CDH18: variants seen among roughly 807,000 people sequenced by gnomAD.
CDH18 encodes the protein cadherin 18, also known as cadherin-18.
In CDH18, 31 loss-of-function variants were observed where a neutral mutation model predicts 67.9. That is an observed-to-expected ratio of 0.46 (90% CI 0.34 to 0.62). The LOEUF (loss-of-function observed/expected upper bound fraction) is 0.62, where lower values mean the gene tolerates loss of function less well. Among genes scored for constraint, CDH18 ranks in the 20% least tolerant of loss-of-function variants. The pLI, the probability that CDH18 is intolerant of heterozygous loss-of-function variation, is 0.01. For synonymous variants in CDH18, 362 were observed against 347.2 expected, an observed-to-expected ratio of 1.04 and a Z score of -0.48; for missense variants, 890 against 975.5, an observed-to-expected ratio of 0.91 and a Z score of 1.17.
chr5:20,309,159 T>TA (rs1736769203), intron 1 of CDH18, among the ~76,000 whole-genome samples: 2 of 152,220 alleles, frequency 1.3e-5, no homozygotes, highest in Non-Finnish European at 1.5e-5. Context: ...CAGATCACAC[T>TA]GCTACTGTTC....
At chr5:20,368,987 A>G (rs777898135) in intron 1 of CDH18, among the ~76,000 whole-genome samples, 3 of 152,056 alleles carry the variant, frequency 2.0e-5, no homozygotes, top group Non-Finnish European at 4.4e-5. Context: ...TCTTTTTCTC[A>G]TTATGCTTGA....
At chr5:20,170,499 A>G (rs1352208154) in intron 2 of CDH18, among the ~76,000 whole-genome samples, 3 of 152,094 alleles carry the variant, frequency 2.0e-5, no homozygotes, top group African/African-American at 7.2e-5. Context: ...AGTGTTAAAT[A>G]AATTAATATA....
chr5:19,577,981 G>C (rs543174939), intron 7 of CDH18, among the ~76,000 whole-genome samples: 1 of 152,308 alleles, frequency 6.6e-6, no homozygotes, highest in African/African-American at 2.4e-5. Context: ...AGAGAGAGGA[G>C]TGATGTAGCC....
intron 1 of CDH18, among the ~76,000 whole-genome samples, chr5:20,333,340 C>T (rs182537682): frequency 6.6e-6 from 1 of 151,710 alleles, no homozygotes; most frequent in African/African-American, 2.4e-5. Flanking sequence ...AGCCTCGTCT[C>T]TACTAAAATA....
At chr5:20,046,229 A>T (rs1414738646) in intron 2 of CDH18, among the ~76,000 whole-genome samples, 1 of 151,994 alleles carries the variant, frequency 6.6e-6, no homozygotes, top group East Asian at 1.9e-4. Flanking sequence ...GATTAATATG[A>T]GGGATGAAAG....
At chr5:20,371,397 G>A (rs1742986220) in intron 1 of CDH18, among the ~76,000 whole-genome samples, 1 of 152,146 alleles carries the variant, frequency 6.6e-6, no homozygotes, top group Non-Finnish European at 1.5e-5. Context: ...CAGACAATCG[G>A]CAATGCCTTG....
chr5:20,526,346 A>C (rs1756058734), intron 1 of CDH18, among the ~76,000 whole-genome samples: 1 of 152,058 alleles, frequency 6.6e-6, no homozygotes, highest in African/African-American at 2.4e-5. Flanking sequence ...GCTGACTCTG[A>C]AGAGTCCAGA....
chr5:20,489,040 A>G (rs1456588114), intron 1 of CDH18, among the ~76,000 whole-genome samples: 2 of 152,044 alleles, frequency 1.3e-5, no homozygotes, highest in African/African-American at 4.8e-5. Flanking sequence ...CTTCCACTTT[A>G]CCTGCTCATT....
intron 5 of CDH18, among the ~76,000 whole-genome samples, chr5:19,656,735 A>G (rs750911512): frequency 6.6e-6 from 1 of 152,124 alleles, no homozygotes; most frequent in Non-Finnish European, 1.5e-5. Context: ...CTCAATTTTG[A>G]TGTTTATACA....
intron 4 of CDH18, among the ~76,000 whole-genome samples, chr5:19,745,842 A>G (rs1023210534): frequency 6.6e-6 from 1 of 152,090 alleles, no homozygotes; most frequent in Admixed American, 6.6e-5. Context: ...GCCTAGCTCA[A>G]GAAGACTAAC....
At chr5:19,869,380 C>G (rs1785965452) in intron 2 of CDH18, among the ~76,000 whole-genome samples, 1 of 152,016 alleles carries the variant, frequency 6.6e-6, no homozygotes, top group South Asian at 2.1e-4. Flanking sequence ...TTTCATTGTA[C>G]CCACCCTGAG....
chr5:20,327,362 T>A lies in CDH18; in HGVS notation c.-579-71857A>T, dbSNP rs148602768. ...GAGCAAATGACAGTGCCTAATTGAC[T>A]TTTTCGTCTGCTTCCTCTTTCACTT... On this transcript the variant is annotated intron_variant, in intron 1 of 14. Transcript: ENST00000507958. Among the ~76,000 whole-genome samples the A allele has an allele frequency of 4.3e-3, 655 of 152,356 alleles. 5 individuals carry two copies. Among genetic ancestry groups the A allele is most frequent in the Non-Finnish European group, 6.1e-3 (414 of 68,034 alleles).
intron 5 of CDH18, among the ~76,000 whole-genome samples, chr5:19,631,077 C>A (rs1752352445): frequency 1.3e-5 from 2 of 151,628 alleles, no homozygotes; most frequent in Admixed American, 1.3e-4. Flanking sequence ...GACTCAAGCA[C>A]CATTTATCAA....
chr5:19,539,431 T>C (rs1039213177), intron 9 of CDH18, among the ~76,000 whole-genome samples: 25 of 152,322 alleles, frequency 1.6e-4, no homozygotes, highest in Middle Eastern at 3.4e-3. Context: ...TTTTCATGAA[T>C]GCATGAACTC....
At chr5:19,744,172 C>G (rs1769640788) in intron 4 of CDH18, among the ~76,000 whole-genome samples, 1 of 151,882 alleles carries the variant, frequency 6.6e-6, no homozygotes, top group Admixed American at 6.6e-5. Flanking sequence ...TAAGGTTTCC[C>G]ATAAAATAAC....
chr5:20,238,920 T>G (rs192750351), intron 2 of CDH18, among the ~76,000 whole-genome samples: 4 of 152,306 alleles, frequency 2.6e-5, no homozygotes, highest in Non-Finnish European at 5.9e-5. Flanking sequence ...GCTGTTTATT[T>G]ATCATGGGAA....
intron 1 of CDH18, among the ~76,000 whole-genome samples, chr5:20,394,257 A>G (rs1423310127): frequency 2.0e-5 from 3 of 152,056 alleles, no homozygotes; most frequent in Non-Finnish European, 4.4e-5. Context: ...CAAAAAACAA[A>G]TAGTTACAAC....
intron 11 of CDH18, among the ~76,000 whole-genome samples, chr5:19,495,737 A>G (rs1014319667): frequency 6.7e-6 from 1 of 148,646 alleles, no homozygotes; most frequent in East Asian, 1.9e-4. Context: ...AAAAAAAAAA[A>G]AAAAAGAAAG....
intron 1 of CDH18, among the ~76,000 whole-genome samples, chr5:20,480,789 A>G (rs1213861210): frequency 6.6e-6 from 1 of 152,186 alleles, no homozygotes; most frequent in Non-Finnish European, 1.5e-5. Context: ...ATTTAAAAAA[A>G]TGGGTTACAA....
Sources: gnomAD v4.1 joint callset for allele counts (sites outside exome capture counted in the v4.1 genomes callset) on GRCh38, gnomAD v4.1.1 for gene constraint, MANE v1.5 for transcripts, NCBI Gene and HGNC (gene_info 2026-07-23, HGNC 2026-07-21) for gene names.